The following TSC2 variants were observed in gnomAD, a reference collection of about 807,000 sequenced individuals.
The protein encoded by TSC2 is tuberin.
Under a neutral mutation model 202.2 loss-of-function variants are expected in TSC2, and 29 were observed. The observed-to-expected ratio is 0.14, with a 90% CI of 0.11 to 0.20. The LOEUF (loss-of-function observed/expected upper bound fraction) is 0.20. TSC2 is among the 10% of genes least tolerant of loss of function. TSC2 has a pLI of 1.00. For synonymous variants in TSC2, 1,349 were observed against 1,044.0 expected (o/e 1.29, Z -5.63); for missense variants, 2,429 against 2,420.0 (o/e 1.00, Z -0.08).
chr16:2,048,193 G>T, intron 1 of TSC2, 128 bp downstream of exon 1: 1 of 1,533,448 alleles, frequency 6.5e-7, no homozygotes, highest in African/African-American at 1.4e-5. Context: ...GGAGCTCCGA[G>T]CATCCCTTAG....
At chr16:2,053,783 C>T (rs2085421806) in intron 4 of TSC2, 2 of 537,992 alleles carry the variant, frequency 3.7e-6, no homozygotes, top group Non-Finnish European at 7.2e-6. Flanking sequence ...CCCTTGCACC[C>T]TTTCGGGGCC....
rs1326318078 is a variant in TSC2, at chr16:2,071,611, C to G, written c.1941C>G (p.Asp647Glu). ...GGTTCAGCCCCTACTGCGTCTGCGA[C>G]TACATGTACGCGGGACCTCGCCCAC... ...VVRFSPYCVC[D>E]YMEPERGSEK... The change falls in exon 18 of 42, where the codon GAC becomes GAG. Residue 647 changes from aspartate (D) to glutamate (E), a missense_variant. Physicochemically the swap from Asp to Glu is conservative, Grantham distance 45 (BLOSUM62 2). Coordinates refer to ENST00000219476, the MANE Select transcript of TSC2 (RefSeq NM_000548.5). 3 of 1,613,420 alleles carry G rather than the reference C, an allele frequency of 1.9e-6. No homozygotes were observed. Among genetic ancestry groups the G allele is most frequent in the South Asian group, 1.1e-5 (1 of 91,090 alleles).
At chr16:2,055,670 A>T (rs1404646470) in intron 6 of TSC2, 151 bp downstream of exon 6, 1 of 756,460 alleles carries the variant, frequency 1.3e-6, no homozygotes. Context: ...AGGCAGGCGG[A>T]TCACGAGGTC....
At chr16:2,056,954 C>T (rs1388218468) in intron 8 of TSC2, 151 bp from the exon 9 acceptor site, 2 of 1,363,996 alleles carry the variant, frequency 1.5e-6, no homozygotes, top group African/African-American at 1.4e-5. Flanking sequence ...ATTTTGAGAA[C>T]CCTGCTGCCT....
At chr16:2,085,858 C>G (rs1429320943) in intron 36 of TSC2, among the ~76,000 whole-genome samples, 4 of 152,176 alleles carry the variant, frequency 2.6e-5, no homozygotes, top group African/African-American at 7.2e-5. Flanking sequence ...CAGTGAGTCC[C>G]TCCTGCTGTG....
At chr16:2,077,754 G>T (rs763103095) in intron 26 of TSC2, 28 bp downstream of exon 26, 1 of 1,609,766 alleles carries the variant, frequency 6.2e-7, no homozygotes. Flanking sequence ...TGGGGGGCAC[G>T]GACCCTGGAG....
At position 2,048,043 on chromosome 16, in the gene TSC2, G is replaced by T. The variant is rs1400592971; in HGVS notation, c.-52G>T. On this transcript the variant is annotated 5_prime_UTR_variant, in exon 1 of 42. Transcript: ENST00000219476. ...GCCTTTCTCCGCGTCGGGGCGGCCC[G>T]GAGCGCGGTGGCGCGGCGCGGGGTA... 6 of 1,425,920 alleles carry T rather than the reference G, an allele frequency of 4.2e-6. No homozygotes were observed. Among genetic ancestry groups the T allele is most frequent in the African/African-American group, 1.5e-5 (1 of 66,816 alleles). 88.3% of individuals were successfully genotyped at this position (1,425,920 alleles called of 1,614,324 possible). A position where few individuals can be genotyped will look rare whatever the true frequency, so the allele number is the denominator to read the frequency against.
intron 19 of TSC2, 77 bp downstream of exon 19, chr16:2,072,011 C>T (rs2151311457): frequency 6.7e-7 from 1 of 1,502,158 alleles, no homozygotes; most frequent in Non-Finnish European, 8.9e-7. Context: ...CCTGCTGGGC[C>T]TCCCTCCCTG....
At chr16:2,087,794 A>G (rs2091029307) in intron 38 of TSC2, 69 bp from the exon 39 acceptor site, 2 of 1,569,520 alleles carry the variant, frequency 1.3e-6, no homozygotes, top group Non-Finnish European at 1.7e-6. Flanking sequence ...CAGTGCAACC[A>G]GGCAGTAGCC....
chr16:2,061,237 A>G (rs550493273), intron 11 of TSC2: 14 of 316,152 alleles, frequency 4.4e-5, no homozygotes, highest in Non-Finnish European at 6.2e-5. Flanking sequence ...TCATCAGCAT[A>G]GGGGCCCTGG....
rs750470901 is a variant in TSC2, at chr16:2,062,462, G to C, written c.1258-35G>C. The C allele has an allele frequency of 3.2e-6, 5 of 1,570,524 alleles. No individual in the cohort carries two copies. In the African/African-American group the frequency reaches 5.4e-5, roughly 17 times the overall value. ...AGTGTGGAGAAGGAGAGCGCCGGAG[G>C]GGCAGAGGGGCAACACCGGCTCTTC... On this transcript the variant is annotated intron_variant, in intron 12 of 41. Coordinates refer to ENST00000219476, the MANE Select transcript of TSC2 (RefSeq NM_000548.5).
At position 2,081,898 on chromosome 16, in the gene TSC2, G is replaced by T. The variant is rs1454187693; in HGVS notation, c.3814+100G>T. The T allele has an allele frequency of 2.5e-5, 37 of 1,475,520 alleles. 1 individual carries two copies. The South Asian group carries it at 4.0e-4, about 16-fold the overall frequency. The allele number at this position is 1,475,520 out of a possible 1,614,324, so 91.4% of individuals were successfully genotyped here. On this transcript the variant is annotated intron_variant, in intron 31 of 41. Transcript: ENST00000219476. The stretch of plus-strand genomic sequence containing the variant: ...CCTCTCTGCTGAGGGCGCCCACACG[G>T]CTGGGAGTGGTCCCTGGCCTGCCTC...
chr16:2,069,727 G>T (rs548051453), intron 16 of TSC2, among the ~76,000 whole-genome samples: 1 of 152,086 alleles, frequency 6.6e-6, no homozygotes, highest in Admixed American at 6.6e-5. Context: ...TGATCCACCC[G>T]CCTCGGCTTC....
rs2151430416 is a variant in TSC2 at position 2,079,046 on chromosome 16, C to T, written c.2981C>T (p.Ser994Phe). Residue 994 changes from serine (S) to phenylalanine (F), a missense_variant, in exon 27 of 42, where the codon TCC becomes TTC. Transcript: ENST00000219476. The surrounding 1 kb of genome is among the most constrained non-coding windows in gnomAD (Gnocchi z 4.6). ...TCTCCCTCCAGCAGGATACAGACGT[C>T]CCTCACCAGTGCCAGCTTGGGGTCT... ...EHVVRSRIQT[S>F]LTSASLGSAD... is the part of the protein sequence containing the mutation. 6.2e-7 allele frequency: 1 copy of T among 1,612,840 alleles called. No individual in the cohort carries two copies. The highest frequency in any genetic ancestry group is 8.5e-7 in the Non-Finnish European group (1 of 1,180,020).
Position 2,079,786 on chromosome 16 carries a change from GC to G in TSC2, c.3397+120del. ...GCCGGGGTGGCTGGCTTCAGGCCCG[GC>G]CCACGTCCTGACTCTGGGGTGAGCC... On this transcript the variant is annotated intron_variant, in intron 29 of 41. Coordinates refer to ENST00000219476, the MANE Select transcript of TSC2 (RefSeq NM_000548.5). The surrounding 1 kb of genome is among the most constrained non-coding windows in gnomAD (Gnocchi z 4.6). 1 of 1,028,566 alleles carries G rather than the reference GC, an allele frequency of 9.7e-7. No homozygotes were observed. The highest frequency in any genetic ancestry group is 1.4e-6 in the Non-Finnish European group (1 of 716,090). The allele number at this position is 1,028,566 out of a possible 1,614,324, so 63.7% of individuals were successfully genotyped here.
chr16:2,056,271 G>A lies in TSC2; in HGVS notation c.648+27G>A, dbSNP rs201617383. 6.8e-6 allele frequency: 11 copies of A among 1,613,630 alleles called. No homozygotes were observed. The African/African-American group carries it at 1.5e-4, about 21-fold the overall frequency. ...TCAGTGCCTCCCCTCCCCAGGGCCGGCCCATTTCACCCTGGTTTCTGGGAG... is the reference window on the plus strand; with the variant it reads ...TCAGTGCCTCCCCTCCCCAGGGCCGACCCATTTCACCCTGGTTTCTGGGAG... On this transcript the variant is annotated intron_variant, in intron 7 of 41. Transcript: ENST00000219476.
intron 18 of TSC2, 80 bp from the exon 19 acceptor site, chr16:2,071,704 G>T: frequency 6.3e-7 from 1 of 1,597,746 alleles, no homozygotes; most frequent in East Asian, 2.3e-5. Context: ...TCTGAGGGAT[G>T]TCCCAGGGTT....
chr16:2,083,549 G>C, intron 32 of TSC2, 146 bp from the exon 33 acceptor site: 1 of 1,397,978 alleles, frequency 7.2e-7, no homozygotes, highest in South Asian at 1.2e-5. Flanking sequence ...CTGCCCGCTC[G>C]GTGGATGGCA....
intron 16 of TSC2, among the ~76,000 whole-genome samples, chr16:2,068,145 T>C (rs1166212179): frequency 6.6e-6 from 1 of 152,116 alleles, no homozygotes; most frequent in African/African-American, 2.4e-5. Context: ...GTTCAAGCAA[T>C]TCTCTTGCCT....
Sources: allele counts gnomAD v4.1 joint callset (sites outside exome capture counted in the v4.1 genomes callset), GRCh38; gene constraint gnomAD v4.1.1; non-coding constraint Gnocchi (gnomAD v3.1); transcripts MANE v1.5; gene names NCBI Gene and HGNC (gene_info 2026-07-23, HGNC 2026-07-21).